CCDC92: variants seen among roughly 807,000 people sequenced by gnomAD.
The protein encoded by CCDC92 is coiled-coil domain containing 92, also known as coiled-coil domain-containing protein 92.
A neutral mutation model predicts 24.9 loss-of-function variants in CCDC92; 12 were observed. The observed-to-expected ratio is 0.48, with a 90% CI of 0.31 to 0.78. The LOEUF (loss-of-function observed/expected upper bound fraction) is 0.78, where lower values mean the gene tolerates loss of function less well. Ranked by LOEUF, CCDC92 falls within the 30% of genes least tolerant of loss-of-function variation. The pLI is 0.05. For missense variants in CCDC92, 399 were observed against 439.4 expected, an observed-to-expected ratio of 0.91 and a Z score of 0.82; for synonymous variants, 193 against 196.3, an observed-to-expected ratio of 0.98 and a Z score of 0.14.
chr12:123,951,532 T>A (rs1483019087), intron 1 of CCDC92, among the ~76,000 whole-genome samples: 8 of 152,230 alleles, frequency 5.3e-5, no homozygotes, highest in Non-Finnish European at 1.2e-4. Flanking sequence ...ACAAGCTCTT[T>A]TAGATTCTAG....
intron 1 of CCDC92, chr12:123,969,874 T>A (rs1956484466): frequency 6.6e-6 from 1 of 152,168 alleles, no homozygotes; most frequent in African/African-American, 2.4e-5. Context: ...AAGTCTTTTC[T>A]GCTTGCCTTC....
chr12:123,955,455 A>G (rs1956128675), intron 1 of CCDC92, among the ~76,000 whole-genome samples: 1 of 152,220 alleles, frequency 6.6e-6, no homozygotes, highest in Non-Finnish European at 1.5e-5. Flanking sequence ...GATGACCACA[A>G]TCTAAACCAA....
chr12:123,969,400 A>C (rs771923805), intron 1 of CCDC92, among the ~76,000 whole-genome samples: 1 of 152,084 alleles, frequency 6.6e-6, no homozygotes, highest in Non-Finnish European at 1.5e-5. Context: ...TGAGTAATGA[A>C]ATAAACAAAC....
chr12:123,967,235 G>T (rs1956414721), intron 1 of CCDC92, among the ~76,000 whole-genome samples: 1 of 151,822 alleles, frequency 6.6e-6, no homozygotes, highest in Non-Finnish European at 1.5e-5. Context: ...TATTCTACTA[G>T]AACGTTCTGG....
chr12:123,964,594 G>T (rs78390828), intron 1 of CCDC92, among the ~76,000 whole-genome samples: 2,309 of 152,242 alleles, frequency 0.015, 29 homozygotes, highest in Middle Eastern at 0.048. Context: ...ACAAAAAGTA[G>T]AATTTTTTCA....
At chr12:123,940,270 G>T (rs561456554) in intron 4 of CCDC92, among the ~76,000 whole-genome samples, 5 of 152,180 alleles carry the variant, frequency 3.3e-5, no homozygotes, top group African/African-American at 1.2e-4. Flanking sequence ...CAGCCCCTCC[G>T]AGTCAGAGCA....
intron 1 of CCDC92, among the ~76,000 whole-genome samples, chr12:123,951,506 C>T (rs930242385): frequency 6.6e-6 from 1 of 152,208 alleles, no homozygotes; most frequent in African/African-American, 2.4e-5. Flanking sequence ...CAGGTGGTAG[C>T]TGTGAATGAG....
At chr12:123,968,182 G>A (rs1956437589) in intron 1 of CCDC92, 1 of 152,210 alleles carries the variant, frequency 6.6e-6, no homozygotes, top group Non-Finnish European at 1.5e-5. Context: ...CAGAAACAAG[G>A]AGAAAACTTA....
At chr12:123,943,257 G>A in intron 3 of CCDC92, 90 bp downstream of exon 3, 1 of 1,409,428 alleles carries the variant, frequency 7.1e-7, no homozygotes, top group Non-Finnish European at 9.7e-7. Flanking sequence ...ATGGGAGCTG[G>A]GGGCAGGGCA....
intron 4 of CCDC92, among the ~76,000 whole-genome samples, chr12:123,940,839 G>T (rs1594451448): frequency 1.4e-5 from 1 of 71,478 alleles, no homozygotes; most frequent in Non-Finnish European, 3.4e-5. Flanking sequence ...CTGTACCCTG[G>T]GTCCCGAAAC....
In CCDC92 at chr12:123,937,106, G is replaced by A. The variant is rs200961702; in HGVS notation, c.948C>T (p.Asn316=). ...AGTGCTTCCTCACCACCTTGCCTCC[G>A]TTCACCTGGTCGACCGCCAGGGTCT... ...EVKTLAVDQV[N]GGKVVRKHSG... The change falls in exon 5 of 5, where the codon AAC becomes AAT. Residue 316 remains asparagine, a synonymous_variant. Transcript: ENST00000238156. This position sits in a 1 kb window ranked among gnomAD's most constrained non-coding sequence, Gnocchi z 8.4. 4.3e-5 allele frequency: 69 copies of A among 1,613,776 alleles called. No individual in the cohort carries two copies. The highest frequency in any genetic ancestry group is 2.0e-4 in the East Asian group (9 of 44,874).
intron 1 of CCDC92, among the ~76,000 whole-genome samples, chr12:123,947,261 G>A (rs1050804571): frequency 6.6e-6 from 1 of 152,166 alleles, no homozygotes; most frequent in Admixed American, 6.5e-5. Flanking sequence ...ATGGGCTCCT[G>A]TGCTGCCCGA....
chr12:123,958,241 C>T (rs762275533), intron 1 of CCDC92, among the ~76,000 whole-genome samples: 4 of 151,694 alleles, frequency 2.6e-5, no homozygotes, highest in Admixed American at 6.6e-5. Flanking sequence ...TTAGTAGAGA[C>T]GGGGTTTCTC....
chr12:123,966,443 T>C (rs549809392), intron 1 of CCDC92: 3 of 152,308 alleles, frequency 2.0e-5, no homozygotes, highest in South Asian at 4.1e-4. Flanking sequence ...CTGTGTTCTT[T>C]TGAGAAATAG....
intron 1 of CCDC92, among the ~76,000 whole-genome samples, chr12:123,965,520 G>C (rs921753110): frequency 1.3e-5 from 2 of 152,026 alleles, no homozygotes; most frequent in African/African-American, 4.8e-5. Flanking sequence ...CATTTCTCAC[G>C]GCCCTCATGT....
At chr12:123,953,265 A>G (rs1331803385) in intron 1 of CCDC92, among the ~76,000 whole-genome samples, 2 of 151,498 alleles carry the variant, frequency 1.3e-5, no homozygotes, top group East Asian at 1.9e-4. Flanking sequence ...AAAAAAAGTC[A>G]TTTTTTGCAA....
chr12:123,936,862 T>G lies in CCDC92; in HGVS notation c.*196A>C. The G allele has an allele frequency of 1.5e-6, 1 of 652,084 alleles. No individual in the cohort carries two copies. The highest frequency in any genetic ancestry group is 2.6e-6 in the Non-Finnish European group (1 of 385,284). The allele number at this position is 652,084 out of a possible 1,614,324, so 40.4% of individuals were successfully genotyped here. ...GCACACAGGCGTTTGGCCACAGCAA[T>G]TAGGAAATACATATTCTGCGGCAGG... On this transcript the variant is annotated 3_prime_UTR_variant, in exon 5 of 5. Coordinates refer to ENST00000238156, the MANE Select transcript of CCDC92 (RefSeq NM_025140.3).
chr12:123,951,275 T>C (rs1956018201), intron 1 of CCDC92, among the ~76,000 whole-genome samples: 1 of 152,148 alleles, frequency 6.6e-6, no homozygotes, highest in African/African-American at 2.4e-5. Flanking sequence ...CCTCACCCCA[T>C]CATTTCTCAA....
Position 123,936,728 on chromosome 12 carries a change from G to A in CCDC92, c.*330C>T. The A allele has an allele frequency of 2.2e-6, 1 of 447,326 alleles. No individual in the cohort carries two copies. Among genetic ancestry groups the A allele is most frequent in the Non-Finnish European group, 4.0e-6 (1 of 249,038 alleles). 27.7% of individuals were successfully genotyped at this position (447,326 alleles called of 1,614,324 possible). A position where few individuals can be genotyped will look rare whatever the true frequency, so the allele number is the denominator to read the frequency against. ...TTGCTCCGACTTGAGAATGAATTAG[G>A]TGTGTGACTGTGTGGCATCGTGAAC... On this transcript the variant is annotated 3_prime_UTR_variant, in exon 5 of 5. Coordinates refer to ENST00000238156, the MANE Select transcript of CCDC92 (RefSeq NM_025140.3).
Sources: allele counts gnomAD v4.1 joint callset (sites outside exome capture counted in the v4.1 genomes callset), GRCh38; gene constraint gnomAD v4.1.1; non-coding constraint Gnocchi (gnomAD v3.1); transcripts MANE v1.5; gene names NCBI Gene and HGNC (gene_info 2026-07-23, HGNC 2026-07-21).